The following CNNM3 variants were observed in gnomAD, a reference collection of about 807,000 sequenced individuals.
CNNM3 encodes metal transporter CNNM3.
Under a neutral mutation model 57.1 loss-of-function variants are expected in CNNM3, and 47 were observed. That is an observed-to-expected ratio of 0.82 (90% CI 0.65 to 1.05). The LOEUF is 1.05. Among genes scored for constraint, CNNM3 ranks in the 50% least tolerant of loss-of-function variants. CNNM3 has a pLI of 0.00. For missense variants in CNNM3, 957 were observed against 973.7 expected, an observed-to-expected ratio of 0.98 and a Z score of 0.23; for synonymous variants, 507 against 478.2, an observed-to-expected ratio of 1.06 and a Z score of -0.79.
downstream of CNNM3, among the ~76,000 whole-genome samples, chr2:96,835,588 C>T (rs2153357756): frequency 6.6e-6 from 1 of 152,146 alleles, no homozygotes; most frequent in Admixed American, 6.5e-5. Flanking sequence ...CCTGCCTCAG[C>T]CTCCCCATAG....
At chr2:96,818,814 G>A (rs994485242) in intron 1 of CNNM3, among the ~76,000 whole-genome samples, 2 of 152,204 alleles carry the variant, frequency 1.3e-5, no homozygotes, top group Admixed American at 6.5e-5. Flanking sequence ...ACCCCAGGGT[G>A]TTGGATGGAC....
chr2:96,830,843 G>T (rs530437031), intron 7 of CNNM3, among the ~76,000 whole-genome samples: 4 of 152,292 alleles, frequency 2.6e-5, no homozygotes, highest in Non-Finnish European at 5.9e-5. Context: ...AGGCTTCTGT[G>T]CTTACCCACT....
chr2:96,822,925 C>T (rs563178638), intron 1 of CNNM3, among the ~76,000 whole-genome samples: 19 of 152,302 alleles, frequency 1.2e-4, no homozygotes, highest in African/African-American at 4.1e-4. Flanking sequence ...TTCTGCTTGA[C>T]GTTGGCAAGA....
chr2:96,835,694 C>CCTGA (rs1168383518), downstream of CNNM3, among the ~76,000 whole-genome samples: 7 of 152,260 alleles, frequency 4.6e-5, no homozygotes, highest in Non-Finnish European at 8.8e-5. Flanking sequence ...GTCTCGATCT[C>CCTGA]CTGACTTCGT....
At chr2:96,829,267 C>G in intron 7 of CNNM3, 133 bp downstream of exon 7, 1 of 1,198,374 alleles carries the variant, frequency 8.3e-7, no homozygotes, top group Non-Finnish European at 1.1e-6. Context: ...CTTTTCCCTT[C>G]TTTATATATA....
At chr2:96,823,634 T>G (rs1194682225) in intron 1 of CNNM3, among the ~76,000 whole-genome samples, 1 of 152,264 alleles carries the variant, frequency 6.6e-6, no homozygotes, top group Non-Finnish European at 1.5e-5. Context: ...CCTGGAGAAC[T>G]GTGCTTTATT....
At chr2:96,824,263 G>C (rs1195231647) in intron 1 of CNNM3, among the ~76,000 whole-genome samples, 1 of 152,152 alleles carries the variant, frequency 6.6e-6, no homozygotes, top group Non-Finnish European at 1.5e-5. Flanking sequence ...AAACCAAATA[G>C]GAAGCTAACC....
intron 1 of CNNM3, chr2:96,824,835 A>G (rs1412366311): frequency 1.8e-6 from 1 of 570,686 alleles, no homozygotes; most frequent in Non-Finnish European, 3.1e-6. Context: ...GCAGATGGGC[A>G]TGAGCCCACT....
chr2:96,833,788 C>A lies in CNNM3; in HGVS notation c.*1172C>A, dbSNP rs1445885926. On this transcript the variant is annotated 3_prime_UTR_variant, in exon 8 of 8. Coordinates refer to ENST00000305510, the MANE Select transcript of CNNM3 (RefSeq NM_017623.5). ...GAACTTTTCTCAAAGGAATTTGGAC[C>A]CTTATAAATGGGACTGAAGGTCAAA... 1.3e-5 allele frequency: 2 copies of A among 152,262 alleles called. No homozygotes were observed. The highest frequency in any genetic ancestry group is 4.1e-4 in the South Asian group (2 of 4,820). The allele number at this position is 152,262 out of a possible 1,614,324, so 9.4% of individuals were successfully genotyped here.
At position 96,835,313 on chromosome 2, in the gene CNNM3, C is replaced by T. The variant is rs1347417420; in HGVS notation, c.*2697C>T. 6.6e-6 allele frequency among the ~76,000 whole-genome samples: 1 copy of T among 152,104 alleles called. No homozygotes were observed. The highest frequency in any genetic ancestry group is 1.5e-5 in the Non-Finnish European group (1 of 68,024). On this transcript the variant is annotated 3_prime_UTR_variant, in exon 8 of 8. Coordinates refer to ENST00000305510, the MANE Select transcript of CNNM3 (RefSeq NM_017623.5). ...GTATTCCGTGGTGTATGCATTGGCCCCCTGAAGGACACCTGGGATGTTTCC... is the reference window on the plus strand; with the variant it reads ...GTATTCCGTGGTGTATGCATTGGCCTCCTGAAGGACACCTGGGATGTTTCC...
Position 96,826,978 on chromosome 2 carries a change from C to G in CNNM3, c.1515C>G (p.Ser505=). ...TCTTGGCCACCCAGCGCTTCCTGTC[C>G]CGAGGTGAGGCGGGAGGGTGGTCCA... The part of the protein sequence containing the change: ...QLLLATQRFL[S]REVDVFSPLR... Residue 505 remains serine (S), a synonymous_variant, in exon 3 of 8, where the codon TCC becomes TCG. Transcript: ENST00000305510. 6.2e-7 allele frequency: 1 copy of G among 1,613,840 alleles called. No individual in the cohort carries two copies. Among genetic ancestry groups the G allele is most frequent in the Non-Finnish European group, 8.5e-7 (1 of 1,179,884 alleles).
downstream of CNNM3, among the ~76,000 whole-genome samples, chr2:96,835,893 C>CA (rs1344932743): frequency 2.6e-5 from 4 of 152,324 alleles, no homozygotes; most frequent in African/African-American, 9.6e-5. Context: ...CGTGATGCCT[C>CA]ACGGTGGTTT....
intron 1 of CNNM3, among the ~76,000 whole-genome samples, chr2:96,819,292 T>G (rs2079371613): frequency 6.6e-6 from 1 of 152,286 alleles, no homozygotes; most frequent in Admixed American, 6.5e-5. Context: ...TGGCCAACAT[T>G]GCAACCCTGG....
At position 96,816,825 on chromosome 2, in the gene CNNM3, G is replaced by T; in HGVS notation, c.548G>T (p.Arg183Leu). The T allele has an allele frequency of 9.7e-7, 1 of 1,035,484 alleles. No homozygotes were observed. The highest frequency in any genetic ancestry group is 1.2e-6 in the Non-Finnish European group (1 of 866,032). 64.1% of individuals were successfully genotyped at this position (1,035,484 alleles called of 1,614,324 possible). A position where few individuals can be genotyped will look rare whatever the true frequency, so the allele number is the denominator to read the frequency against. Residue 183 changes from arginine (R) to leucine (L), a missense_variant, in exon 1 of 8, where the codon CGT (arginine) becomes CTT (leucine). Around this residue, in one of 2 missense-constraint regions of CNNM3, gnomAD observed 466 missense variants for 403.1 expected, o/e 1.16. Transcript: ENST00000305510. ...GSEAERAAAR[R>L]LEPARRWAGC... ...GAGGCGGAGCGTGCGGCGGCGCGGC[G>T]TTTGGAGCCCGCGCGGCGCTGGGCC...
chr2:96,825,996 CTG>C (rs200298283), intron 2 of CNNM3, among the ~76,000 whole-genome samples: 1,987 of 152,300 alleles, frequency 0.013, 41 homozygotes, highest in African/African-American at 0.044. Flanking sequence ...TGTACAGAGT[CTG>C]TGCGTCATGG....
Position 96,816,310 on chromosome 2 carries a change from AG to A in CNNM3, c.35del (p.Gly12AlafsTer145). The A allele has an allele frequency of 1.6e-6, 2 of 1,287,136 alleles. No individual in the cohort carries two copies. The highest frequency in any genetic ancestry group is 3.1e-5 in the African/African-American group (2 of 64,952). The allele number at this position is 1,287,136 out of a possible 1,614,324, so 79.7% of individuals were successfully genotyped here. A position where few individuals can be genotyped will look rare whatever the true frequency, so the allele number is the denominator to read the frequency against. On this transcript the variant is annotated frameshift_variant, in exon 1 of 8. Coordinates refer to ENST00000305510, the MANE Select transcript of CNNM3 (RefSeq NM_017623.5). LOFTEE classifies it high-confidence loss of function. ...AAAVAAAGRL[G>X]WLFAALCLGN... ...CGGCGGTAGCTGCGGCGGGTCGGTT[AG>A]GCTGGTTGTTCGCCGCGCTCTGCCT...
At chr2:96,826,333 C>T (rs2079504166) in intron 2 of CNNM3, among the ~76,000 whole-genome samples, 1 of 152,138 alleles carries the variant, frequency 6.6e-6, no homozygotes, top group South Asian at 2.1e-4. Flanking sequence ...CCACCTCAGC[C>T]TCCTGAGCAG....
Position 96,832,457 on chromosome 2 carries a change from C to T in CNNM3, c.2060-95C>T, listed in dbSNP as rs186568851. On this transcript the variant is annotated intron_variant, in intron 7 of 7. Coordinates refer to ENST00000305510, the MANE Select transcript of CNNM3 (RefSeq NM_017623.5). ...AGGCATCCCGAAGCACCTGTCTTAG[C>T]TGCCCCTTCCTGTCCCACAGAGGAT... 3.0e-4 allele frequency: 472 copies of T among 1,587,536 alleles called. No individual in the cohort carries two copies. In the African/African-American group the frequency reaches 5.3e-3, roughly 18 times the overall value.
In CNNM3 at chr2:96,832,667, C is replaced by T. The variant is rs746131959; in HGVS notation, c.*51C>T. On this transcript the variant is annotated 3_prime_UTR_variant, in exon 8 of 8. Coordinates refer to ENST00000305510, the MANE Select transcript of CNNM3 (RefSeq NM_017623.5). ...GGGGAACAGATGAGCACGTGGGGAGCTGGAGTGAGCTGAGCAGAAGTTTTG... is the reference window on the plus strand; with the variant it reads ...GGGGAACAGATGAGCACGTGGGGAGTTGGAGTGAGCTGAGCAGAAGTTTTG... 8.7e-6 allele frequency: 14 copies of T among 1,606,228 alleles called. No homozygotes were observed. The highest frequency in any genetic ancestry group is 3.4e-6 in the Non-Finnish European group (4 of 1,179,298).
Sources: gnomAD v4.1 joint callset for allele counts (sites outside exome capture counted in the v4.1 genomes callset) on GRCh38, gnomAD v4.1.1 for gene constraint, gnomAD v4.1.1 regional missense constraint, MANE v1.5 for transcripts, NCBI Gene and HGNC (gene_info 2026-07-23, HGNC 2026-07-21) for gene names.